KCNIP4: variants seen among roughly 807,000 people sequenced by gnomAD.
KCNIP4 encodes the protein potassium voltage-gated channel interacting protein 4, also known as Kv channel-interacting protein 4.
KCNIP4 carries 12 observed loss-of-function variants against 34.0 expected under a neutral mutation model. The observed-to-expected ratio is 0.35, with a 90% CI of 0.23 to 0.57. The LOEUF (loss-of-function observed/expected upper bound fraction) is 0.57. Among genes scored for constraint, KCNIP4 ranks in the 20% least tolerant of loss-of-function variants. KCNIP4 has a pLI of 0.83. For synonymous variants in KCNIP4, 124 were observed against 102.2 expected (o/e 1.21, Z -1.29); for missense variants, 238 against 311.7 (o/e 0.76, Z 1.78).
At chr4:20,856,300 C>A (rs1721563996) in intron 2 of KCNIP4, among the ~76,000 whole-genome samples, 1 of 152,196 alleles carries the variant, frequency 6.6e-6, no homozygotes, top group Admixed American at 6.5e-5. Context: ...AGTGCAAGTT[C>A]TTCAACCTAA....
chr4:20,730,777 G>C (rs1747905460), intron 8 of KCNIP4, among the ~76,000 whole-genome samples: 1 of 152,182 alleles, frequency 6.6e-6, no homozygotes, highest in African/African-American at 2.4e-5. Flanking sequence ...AAATGAGTTA[G>C]GGGACAGACT....
rs138562042 is a variant in KCNIP4 at position 21,011,017 on chromosome 4, A to G, written c.62-128308T>C. Among the ~76,000 whole-genome samples, 288 of 152,310 alleles carry G rather than the reference A, an allele frequency of 1.9e-3. 2 individuals carry two copies. Among genetic ancestry groups the G allele is most frequent in the Middle Eastern group, 0.01 (3 of 294 alleles). On this transcript the variant is annotated intron_variant, in intron 1 of 8. Coordinates refer to ENST00000382152, the MANE Select transcript of KCNIP4 (RefSeq NM_025221.6). The stretch of plus-strand genomic sequence containing the variant: ...ACATATGTCTCATTTATTCTACTCA[A>G]TGCCTCCCGATGAAATCAGTAGCAA...
chr4:21,491,037 G>C (rs1391830291), intron 1 of KCNIP4, among the ~76,000 whole-genome samples: 1 of 151,788 alleles, frequency 6.6e-6, no homozygotes, highest in Non-Finnish European at 1.5e-5. Flanking sequence ...AGTAAAATGT[G>C]GCTTATACTA....
intron 1 of KCNIP4, among the ~76,000 whole-genome samples, chr4:21,135,360 A>G (rs185193283): frequency 1.3e-5 from 2 of 152,326 alleles, no homozygotes; most frequent in East Asian, 3.9e-4. Flanking sequence ...CACTGATTTT[A>G]GTGAGGGTCT....
At chr4:21,170,154 C>T (rs996166562) in intron 1 of KCNIP4, among the ~76,000 whole-genome samples, 1 of 152,038 alleles carries the variant, frequency 6.6e-6, no homozygotes, top group African/African-American at 2.4e-5. Flanking sequence ...TTCTGATAGT[C>T]AAACTAGATA....
chr4:20,758,070 A>G (rs1025564815), intron 4 of KCNIP4, among the ~76,000 whole-genome samples: 12 of 152,124 alleles, frequency 7.9e-5, no homozygotes, highest in African/African-American at 2.4e-4. Flanking sequence ...AATTCCCCCT[A>G]CGTGATCAGC....
chr4:20,758,777 T>C (rs747545934), intron 4 of KCNIP4, 44 bp downstream of exon 4: 8 of 1,464,388 alleles, frequency 5.5e-6, no homozygotes, highest in South Asian at 2.3e-5. Flanking sequence ...GCAAGCATAA[T>C]TGTAACTCTG....
chr4:21,622,518 C>T (rs1204195061), intron 1 of KCNIP4, among the ~76,000 whole-genome samples: 2 of 152,106 alleles, frequency 1.3e-5, no homozygotes, highest in African/African-American at 4.8e-5. Context: ...AAGCATTATG[C>T]CTTTGAGTCA....
chr4:21,632,687 G>A (rs1408324781), intron 1 of KCNIP4, among the ~76,000 whole-genome samples: 2 of 152,132 alleles, frequency 1.3e-5, no homozygotes, highest in Admixed American at 6.5e-5. Context: ...TATTCCAATG[G>A]AAGTAATAGG....
At chr4:21,118,535 T>A (rs1020899204) in intron 1 of KCNIP4, among the ~76,000 whole-genome samples, 11 of 152,174 alleles carry the variant, frequency 7.2e-5, no homozygotes, top group African/African-American at 2.4e-4. Context: ...TGCCTTTGAG[T>A]CTTTGCCAAA....
intron 1 of KCNIP4, among the ~76,000 whole-genome samples, chr4:21,776,257 C>A (rs1310726099): frequency 6.6e-6 from 1 of 152,200 alleles, no homozygotes; most frequent in African/African-American, 2.4e-5. Context: ...AAGAGTCACA[C>A]CAGCCTTTTT....
chr4:21,079,352 T>C (rs1745802908), intron 1 of KCNIP4, among the ~76,000 whole-genome samples: 1 of 152,182 alleles, frequency 6.6e-6, no homozygotes, highest in Non-Finnish European at 1.5e-5. Flanking sequence ...AGATTATATA[T>C]TTAAAATTAG....
chr4:20,942,873 T>A (rs1203915345), intron 1 of KCNIP4, among the ~76,000 whole-genome samples: 2 of 152,038 alleles, frequency 1.3e-5, no homozygotes, highest in Non-Finnish European at 2.9e-5. Context: ...GGTTTCACCA[T>A]GTTGGCCAGG....
chr4:21,537,130 A>G (rs1737241690), intron 1 of KCNIP4, among the ~76,000 whole-genome samples: 1 of 152,182 alleles, frequency 6.6e-6, no homozygotes, highest in African/African-American at 2.4e-5. Context: ...AAGAATCAGG[A>G]TCTACACTGC....
chr4:20,834,316 A>G (rs1275490370), intron 3 of KCNIP4, among the ~76,000 whole-genome samples: 1 of 152,204 alleles, frequency 6.6e-6, no homozygotes, highest in Non-Finnish European at 1.5e-5. Context: ...GGTGTCGAAT[A>G]ATGCCTATTG....
chr4:21,607,924 C>A (rs1033780177), intron 1 of KCNIP4, among the ~76,000 whole-genome samples: 2 of 152,130 alleles, frequency 1.3e-5, no homozygotes, highest in African/African-American at 4.8e-5. Context: ...ACAACAGGCT[C>A]CTGAGAACTG....
intron 3 of KCNIP4, among the ~76,000 whole-genome samples, chr4:20,823,223 C>T (rs944838324): frequency 3.3e-5 from 5 of 151,984 alleles, no homozygotes; most frequent in Admixed American, 1.3e-4. Flanking sequence ...GTATGACTGG[C>T]GCATAGAATG....
intron 1 of KCNIP4, chr4:21,304,110 AGAG>A (rs147029569): frequency 0.072 from 38,054 of 527,750 alleles, 2,810 homozygotes; most frequent in African/African-American, 0.21. Context: ...AGAGAGAGAC[AGAG>A]GAGAGAGAGG....
chr4:21,794,828 G>A (rs771216128), intron 1 of KCNIP4, among the ~76,000 whole-genome samples: 9 of 152,254 alleles, frequency 5.9e-5, no homozygotes, highest in Non-Finnish European at 1.3e-4. Flanking sequence ...GCAGTGAGCT[G>A]AGATCATGCC....
Sources: gnomAD v4.1 joint callset for allele counts (sites outside exome capture counted in the v4.1 genomes callset) on GRCh38, gnomAD v4.1.1 for gene constraint, MANE v1.5 for transcripts, NCBI Gene and HGNC (gene_info 2026-07-23, HGNC 2026-07-21) for gene names.